Variants in MICOS10 observed in about 807,000 individuals in gnomAD.
The protein encoded by MICOS10 is mitochondrial contact site and cristae organizing system subunit 10.
MICOS10 carries 5 observed loss-of-function variants against 13.4 expected under a neutral mutation model. The observed-to-expected ratio is 0.37, with a 90% CI of 0.20 to 0.78. The LOEUF (loss-of-function observed/expected upper bound fraction) is 0.78. Among genes scored for constraint, MICOS10 ranks in the 30% least tolerant of loss-of-function variants. The pLI, the probability that MICOS10 is intolerant of heterozygous loss-of-function variation, is 0.47. For missense variants in MICOS10, 101 were observed against 94.6 expected, an observed-to-expected ratio of 1.07 and a Z score of -0.28; for synonymous variants, 35 against 33.6, an observed-to-expected ratio of 1.04 and a Z score of -0.15.
chr1:19,613,475 C>G (rs1300704131), intron 1 of MICOS10, among the ~76,000 whole-genome samples: 1 of 152,140 alleles, frequency 6.6e-6, no homozygotes, highest in Non-Finnish European at 1.5e-5. Context: ...CTATCTCTTG[C>G]CACCTTACCT....
At chr1:19,603,773 A>G (rs769271354) in intron 1 of MICOS10, among the ~76,000 whole-genome samples, 12 of 152,214 alleles carry the variant, frequency 7.9e-5, no homozygotes, top group Non-Finnish European at 1.6e-4. Flanking sequence ...GAAGAGTGAC[A>G]TGGTTGAATT....
At chr1:19,615,263 C>T (rs76675704) in intron 1 of MICOS10, among the ~76,000 whole-genome samples, 4,065 of 152,262 alleles carry the variant, frequency 0.027, 91 homozygotes, top group Non-Finnish European at 0.034. Context: ...TTTGGACTTT[C>T]GATTTGTTCT....
At chr1:19,622,240 TTG>T in intron 2 of MICOS10, 93 bp downstream of exon 2, 1 of 1,019,894 alleles carries the variant, frequency 9.8e-7, no homozygotes, top group South Asian at 1.6e-5. Flanking sequence ...ACCCATCAAT[TTG>T]TGGGTTGCCA....
Position 19,596,995 on chromosome 1 carries a change from T to G in MICOS10, c.-51T>G, listed in dbSNP as rs749721774. 7.3e-5 allele frequency: 113 copies of G among 1,545,054 alleles called. No individual in the cohort carries two copies. The highest frequency in any genetic ancestry group is 9.1e-5 in the Non-Finnish European group (104 of 1,148,042). ...CCAGCTCTCGCGAGACTTTCAGGGG[T>G]CGGAGCGCGGGGGCCGGCCGAGAGG... On this transcript the variant is annotated 5_prime_UTR_variant, in exon 1 of 4. Coordinates refer to ENST00000322753, the MANE Select transcript of MICOS10 (RefSeq NM_001032363.4).
intron 1 of MICOS10, among the ~76,000 whole-genome samples, chr1:19,613,770 A>G (rs1328362094): frequency 2.6e-5 from 4 of 152,214 alleles, no homozygotes; most frequent in Non-Finnish European, 5.9e-5. Flanking sequence ...TTTAAAATGT[A>G]TTATAATAGC....
intron 1 of MICOS10, among the ~76,000 whole-genome samples, chr1:19,602,294 GA>G (rs1362918271): frequency 1.3e-5 from 2 of 152,146 alleles, no homozygotes; most frequent in Non-Finnish European, 2.9e-5. Context: ...TTAACTGAAT[GA>G]ATTAGTATTT....
rs746312596 is a variant in MICOS10 at position 19,622,086 on chromosome 1, C to T, written c.65-14C>T. 3.1e-6 allele frequency: 5 copies of T among 1,602,036 alleles called. No individual in the cohort carries two copies. Among genetic ancestry groups the T allele is most frequent in the Admixed American group, 1.7e-5 (1 of 59,168 alleles). On this transcript the variant is annotated splice_polypyrimidine_tract_variant and intron_variant, in intron 1 of 3. Transcript: ENST00000322753. Reference sequence around the variant, plus strand: ...TGCTATGAGATTTAGCATGTTTTTTCTCCCTCTTTGTAGGTACTGGTTTTG... The same window carrying T: ...TGCTATGAGATTTAGCATGTTTTTTTTCCCTCTTTGTAGGTACTGGTTTTG...
intron 1 of MICOS10, among the ~76,000 whole-genome samples, chr1:19,609,305 A>T (rs1019876210): frequency 6.6e-6 from 1 of 152,138 alleles, no homozygotes; most frequent in Non-Finnish European, 1.5e-5. Context: ...ATACCTACAC[A>T]CCCATTAAAA....
intron 1 of MICOS10, among the ~76,000 whole-genome samples, chr1:19,597,538 C>T (rs2094797246): frequency 6.6e-6 from 1 of 152,210 alleles, no homozygotes; most frequent in African/African-American, 2.4e-5. Flanking sequence ...GAGAAGGTCA[C>T]CTGGAGCATT....
At position 19,628,030 on chromosome 1, in the gene MICOS10, A is replaced by G. The variant is rs1034561122; in HGVS notation, c.*1629A>G. Reference sequence around the variant, plus strand: ...TTAAGGCAACCCATATAATTGAAAGAAAAATAATGTGCAGCCTGTTTCATC... The same window carrying G: ...TTAAGGCAACCCATATAATTGAAAGGAAAATAATGTGCAGCCTGTTTCATC... On this transcript the variant is annotated 3_prime_UTR_variant, in exon 4 of 4. Transcript: ENST00000322753. The G allele has an allele frequency of 2.6e-5, 4 of 152,198 alleles. No individual in the cohort carries two copies. Among genetic ancestry groups the G allele is most frequent in the African/African-American group, 9.7e-5 (4 of 41,448 alleles). The allele number at this position is 152,198 out of a possible 1,614,324, so 9.4% of individuals were successfully genotyped here.
intron 1 of MICOS10, among the ~76,000 whole-genome samples, chr1:19,601,555 C>T (rs905759440): frequency 2.9e-5 from 4 of 139,356 alleles, no homozygotes; most frequent in African/African-American, 5.4e-5. Flanking sequence ...CCAGCCCAGA[C>T]GACAGAGCAA....
intron 1 of MICOS10, chr1:19,608,705 T>A: frequency 1.7e-6 from 1 of 571,736 alleles, no homozygotes; most frequent in Non-Finnish European, 3.1e-6. Context: ...AAAGCAAGTT[T>A]CAAAGAAAAC....
chr1:19,616,972 C>A (rs192972277), intron 1 of MICOS10, among the ~76,000 whole-genome samples: 19 of 152,254 alleles, frequency 1.2e-4, no homozygotes, highest in African/African-American at 4.3e-4. Context: ...AATAATTAAT[C>A]TTCAGAGCTG....
intron 1 of MICOS10, among the ~76,000 whole-genome samples, chr1:19,603,411 C>T (rs951161294): frequency 6.6e-6 from 1 of 152,186 alleles, no homozygotes; most frequent in African/African-American, 2.4e-5. Flanking sequence ...TCTTGAATGC[C>T]GAAGGCTTGC....
chr1:19,611,371 T>G (rs2094860559), intron 1 of MICOS10, among the ~76,000 whole-genome samples: 1 of 152,110 alleles, frequency 6.6e-6, no homozygotes, highest in African/African-American at 2.4e-5. Flanking sequence ...TTCAATCACA[T>G]ATTTTGTCTT....
chr1:19,612,147 A>G (rs1036109497), intron 1 of MICOS10, among the ~76,000 whole-genome samples: 4 of 150,472 alleles, frequency 2.7e-5, no homozygotes, highest in Non-Finnish European at 5.9e-5. Flanking sequence ...GGTTCACGCC[A>G]TTCTCCTGCC....
At chr1:19,611,286 C>A (rs990161896) in intron 1 of MICOS10, among the ~76,000 whole-genome samples, 1 of 151,976 alleles carries the variant, frequency 6.6e-6, no homozygotes, top group Non-Finnish European at 1.5e-5. Flanking sequence ...TCAGCATAGT[C>A]CTGTATGTGA....
chr1:19,616,305 G>A (rs187769097), intron 1 of MICOS10, among the ~76,000 whole-genome samples: 4 of 152,278 alleles, frequency 2.6e-5, no homozygotes, highest in East Asian at 3.9e-4. Context: ...ATGAATCCCC[G>A]ATTCTTATAT....
intron 1 of MICOS10, among the ~76,000 whole-genome samples, chr1:19,615,957 G>T (rs959599935): frequency 6.6e-6 from 1 of 150,902 alleles, no homozygotes; most frequent in African/African-American, 2.4e-5. Context: ...TTGCTCTGTC[G>T]CCCAGGCTGG....
Sources: allele counts gnomAD v4.1 joint callset (sites outside exome capture counted in the v4.1 genomes callset), GRCh38; gene constraint gnomAD v4.1.1; transcripts MANE v1.5; gene names NCBI Gene and HGNC (gene_info 2026-07-23, HGNC 2026-07-21).